The following OR2B11 variants were observed in gnomAD, a reference collection of about 807,000 sequenced individuals.
OR2B11 encodes the protein olfactory receptor 2B11.
For synonymous variants in OR2B11, 198 were observed against 174.5 expected, an observed-to-expected ratio of 1.13 and a Z score of -1.06; for missense variants, 422 against 400.0, an observed-to-expected ratio of 1.05 and a Z score of -0.47.
rs10802507 is a variant in OR2B11 at position 247,454,449 on chromosome 1, C to T, written c.-2467G>A. The T allele has an allele frequency of 0.75, 114,041 of 152,086 alleles. 43,055 individuals carry two copies. Among genetic ancestry groups the T allele is most frequent in the East Asian group, 0.94 (4,847 of 5,162 alleles). The allele number at this position is 152,086 out of a possible 1,614,324, so 9.4% of individuals were successfully genotyped here. Reference sequence around the variant, plus strand: ...CACAAACATCGCCATCGCATTCAGACGGAATCCCTCAGGCTGTATCTACAG... The same window carrying T: ...CACAAACATCGCCATCGCATTCAGATGGAATCCCTCAGGCTGTATCTACAG... On this transcript the variant is annotated 5_prime_UTR_variant, in exon 2 of 2. Coordinates refer to ENST00000641149, the MANE Select transcript of OR2B11 (RefSeq NM_001004492.2).
chr1:247,454,677 G>A lies in OR2B11; in HGVS notation c.-2695C>T, dbSNP rs12745508. ...TCCTCATTCACTCTAGTTCAGCACC[G>A]AAGTTAAAGAATTCAACACCCACAC... On this transcript the variant is annotated 5_prime_UTR_variant, in exon 2 of 2. Transcript: ENST00000641149. 0.75 allele frequency: 114,263 copies of A among 152,130 alleles called. 43,210 individuals carry two copies. Among genetic ancestry groups the A allele is most frequent in the East Asian group, 0.94 (4,859 of 5,174 alleles). 9.4% of individuals were successfully genotyped at this position (152,130 alleles called of 1,614,324 possible). A position where few individuals can be genotyped will look rare whatever the true frequency, so the allele number is the denominator to read the frequency against.
Position 247,449,236 on chromosome 1 carries a change from C to T in OR2B11, c.*1793G>A, listed in dbSNP as rs1009972390. On this transcript the variant is annotated 3_prime_UTR_variant, in exon 2 of 2. Transcript: ENST00000641149. ...ATAATTTTTAAAACGTTACCTCACT[C>T]TAACTGTAATGAGTGGAATTTCATC... 16 of 152,420 alleles carry T rather than the reference C, an allele frequency of 1.0e-4. No homozygotes were observed. The highest frequency in any genetic ancestry group is 3.8e-4 in the African/African-American group (16 of 41,564). The allele number at this position is 152,420 out of a possible 1,614,324, so 9.4% of individuals were successfully genotyped here. A position where few individuals can be genotyped will look rare whatever the true frequency, so the allele number is the denominator to read the frequency against.
intron 1 of OR2B11, among the ~76,000 whole-genome samples, chr1:247,455,952 G>C (rs1255872235): frequency 6.6e-6 from 1 of 152,170 alleles, no homozygotes. Context: ...TATTGCCACA[G>C]TGGATCTGAG....
At position 247,452,058 on chromosome 1, in the gene OR2B11, C is replaced by T. The variant is rs1173825402; in HGVS notation, c.-76G>A. ...AATACCTGAGAAGAGGAATTGATCACTTTCCTCCCTCTTGCATCCACTCTT... is the reference window on the plus strand; with the variant it reads ...AATACCTGAGAAGAGGAATTGATCATTTTCCTCCCTCTTGCATCCACTCTT... On this transcript the variant is annotated 5_prime_UTR_variant, in exon 2 of 2. It adds an upstream start codon to the 5' untranslated region. Coordinates refer to ENST00000641149, the MANE Select transcript of OR2B11 (RefSeq NM_001004492.2). The T allele has an allele frequency of 1.5e-5, 13 of 856,844 alleles. No individual in the cohort carries two copies. The highest frequency in any genetic ancestry group is 2.1e-5 in the Non-Finnish European group (11 of 526,636). 53.1% of individuals were successfully genotyped at this position (856,844 alleles called of 1,614,324 possible). A position where few individuals can be genotyped will look rare whatever the true frequency, so the allele number is the denominator to read the frequency against.
rs1180968612 is a variant in OR2B11 at position 247,452,242 on chromosome 1, G to A, written c.-260C>T. 4 of 432,546 alleles carry A rather than the reference G, an allele frequency of 9.2e-6. No individual in the cohort carries two copies. Among genetic ancestry groups the A allele is most frequent in the Non-Finnish European group, 1.7e-5 (4 of 240,292 alleles). The allele number at this position is 432,546 out of a possible 1,614,324, so 26.8% of individuals were successfully genotyped here. A position where few individuals can be genotyped will look rare whatever the true frequency, so the allele number is the denominator to read the frequency against. On this transcript the variant is annotated 5_prime_UTR_variant, in exon 2 of 2. It introduces an in-frame stop codon into an upstream open reading frame of the 5' UTR. Coordinates refer to ENST00000641149, the MANE Select transcript of OR2B11 (RefSeq NM_001004492.2). ...AACCATTTAATATTCCTGAACTTCTGCATCTGTAAAATGGGGAGAAATACC... is the reference window on the plus strand; with the variant it reads ...AACCATTTAATATTCCTGAACTTCTACATCTGTAAAATGGGGAGAAATACC...
At chr1:247,456,083 A>G (rs1246353072) in intron 1 of OR2B11, among the ~76,000 whole-genome samples, 1 of 152,236 alleles carries the variant, frequency 6.6e-6, no homozygotes, top group East Asian at 1.9e-4. Flanking sequence ...TAGGCACCGC[A>G]TATGAGCCTT....
In OR2B11 at chr1:247,449,594, A is replaced by T. The variant is rs1450532468; in HGVS notation, c.*1435T>A. 1 of 152,224 alleles carries T rather than the reference A, an allele frequency of 6.6e-6. No individual in the cohort carries two copies. Among genetic ancestry groups the T allele is most frequent in the Non-Finnish European group, 1.5e-5 (1 of 68,038 alleles). 9.4% of individuals were successfully genotyped at this position (152,224 alleles called of 1,614,324 possible). ...AGTGTAGTCTATGAACTGTCGATAT[A>T]AGGAGCTTGTATAAGAATGTAAAAC... On this transcript the variant is annotated 3_prime_UTR_variant, in exon 2 of 2. Transcript: ENST00000641149.
chr1:247,452,123 T>C lies in OR2B11; in HGVS notation c.-141A>G. 1.6e-6 allele frequency: 1 copy of C among 625,220 alleles called. No homozygotes were observed. The highest frequency in any genetic ancestry group is 2.0e-5 in the South Asian group (1 of 50,266). 38.7% of individuals were successfully genotyped at this position (625,220 alleles called of 1,614,324 possible). ...TAGCCTGTTTGATTCTCCTTACCTC[T>C]GTGGAGACGCTGGGATGCGGAAGGG... is the stretch of plus-strand genomic sequence containing the variant. On this transcript the variant is annotated 5_prime_UTR_variant, in exon 2 of 2. Coordinates refer to ENST00000641149, the MANE Select transcript of OR2B11 (RefSeq NM_001004492.2).
In OR2B11 at chr1:247,451,374, C is replaced by G. The variant is rs2103265894; in HGVS notation, c.609G>C (p.Leu203=). ...ACACGAAGAAGGCCACCAGCACAGC[C>G]AGTATGGTGTCATTCACAGCGGTGT... is the stretch of plus-strand genomic sequence containing the variant. ...CADTAVNDTI[L]AVLVAFFVLV... is the part of the protein sequence containing the mutation. Residue 203 remains leucine, a synonymous_variant, in exon 2 of 2, where the codon CTG becomes CTC. Transcript: ENST00000641149. The G allele has an allele frequency of 6.2e-7, 1 of 1,614,156 alleles. No homozygotes were observed. Among genetic ancestry groups the G allele is most frequent in the South Asian group, 1.1e-5 (1 of 91,082 alleles).
In OR2B11 at chr1:247,451,662, G is replaced by A; in HGVS notation, c.321C>T (p.Val107=). ...ACTCCGTGCATCCCAGCCAGTGGAAGACTGCATATTGCACAGTGCAGCCTC... is the reference window on the plus strand; with the variant it reads ...ACTCCGTGCATCCCAGCCAGTGGAAAACTGCATATTGCACAGTGCAGCCTC... ...SYGGCTVQYA[V]FHWLGCTECI... The change falls in exon 2 of 2, where the codon GTC becomes GTT. Residue 107 remains valine, a synonymous_variant. Transcript: ENST00000641149. 24 of 1,614,224 alleles carry A rather than the reference G, an allele frequency of 1.5e-5. No homozygotes were observed. The highest frequency in any genetic ancestry group is 2.2e-5 in the South Asian group (2 of 91,090).
In OR2B11 at chr1:247,451,768, A is replaced by G; in HGVS notation, c.215T>C (p.Phe72Ser). The G allele has an allele frequency of 1.2e-6, 2 of 1,614,214 alleles. No individual in the cohort carries two copies. Among genetic ancestry groups the G allele is most frequent in the Non-Finnish European group, 1.7e-6 (2 of 1,180,026 alleles). The change falls in exon 2 of 2, where the codon TTC (phenylalanine) becomes TCC (serine). Residue 72 changes from phenylalanine (F) to serine (S), a missense_variant. Transcript: ENST00000641149. ...PMYIFLSHLS[F>S]LDLCYTTTTV... ...CGTGGTGGTGTAGCAGAGGTCCAGG[A>G]AGGACAGGTGACTGAGGAAGATGTA...
chr1:247,456,742 T>G (rs1051069005), intron 1 of OR2B11, among the ~76,000 whole-genome samples: 103 of 152,212 alleles, frequency 6.8e-4, no homozygotes, highest in African/African-American at 2.4e-3. Flanking sequence ...GTATTTCTCA[T>G]AATGCTCTCC....
chr1:247,450,806 C>T lies in OR2B11; in HGVS notation c.*223G>A, dbSNP rs1664825813. On this transcript the variant is annotated 3_prime_UTR_variant, in exon 2 of 2. Coordinates refer to ENST00000641149, the MANE Select transcript of OR2B11 (RefSeq NM_001004492.2). ...TAATTCCACACATACTTATTGAAGT[C>T]TATTTAAACAATGCTTAAAAATATA... 2 of 372,984 alleles carry T rather than the reference C, an allele frequency of 5.4e-6. No individual in the cohort carries two copies. Among genetic ancestry groups the T allele is most frequent in the Non-Finnish European group, 9.6e-6 (2 of 209,350 alleles). 23.1% of individuals were successfully genotyped at this position (372,984 alleles called of 1,614,324 possible).
rs746153783 is a variant in OR2B11 at position 247,452,710 on chromosome 1, C to T, written c.-728G>A. 3 of 152,756 alleles carry T rather than the reference C, an allele frequency of 2.0e-5. No individual in the cohort carries two copies. Among genetic ancestry groups the T allele is most frequent in the Non-Finnish European group, 2.9e-5 (2 of 68,146 alleles). 9.5% of individuals were successfully genotyped at this position (152,756 alleles called of 1,614,324 possible). Reference sequence around the variant, plus strand: ...GGAAGAGCCAAGGTATACGTTACTTCAGCCCCTGAATAGGTCATGGTAGTT... The same window carrying T: ...GGAAGAGCCAAGGTATACGTTACTTTAGCCCCTGAATAGGTCATGGTAGTT... On this transcript the variant is annotated 5_prime_UTR_variant, in exon 2 of 2. It removes the in-frame stop codon of an upstream open reading frame in the 5' UTR. Transcript: ENST00000641149.
rs1299987635 is a variant in OR2B11 at position 247,449,219 on chromosome 1, T to A, written c.*1810A>T. The A allele has an allele frequency of 6.6e-6, 1 of 152,400 alleles. No individual in the cohort carries two copies. Among genetic ancestry groups the A allele is most frequent in the African/African-American group, 2.4e-5 (1 of 41,472 alleles). The allele number at this position is 152,400 out of a possible 1,614,324, so 9.4% of individuals were successfully genotyped here. A position where few individuals can be genotyped will look rare whatever the true frequency, so the allele number is the denominator to read the frequency against. On this transcript the variant is annotated 3_prime_UTR_variant, in exon 2 of 2. Coordinates refer to ENST00000641149, the MANE Select transcript of OR2B11 (RefSeq NM_001004492.2). ...AAATGATTCCATTGTAGATAATTTT[T>A]AAAACGTTACCTCACTCTAACTGTA...
At position 247,449,310 on chromosome 1, in the gene OR2B11, A is replaced by G. The variant is rs1240456564; in HGVS notation, c.*1719T>C. On this transcript the variant is annotated 3_prime_UTR_variant, in exon 2 of 2. Coordinates refer to ENST00000641149, the MANE Select transcript of OR2B11 (RefSeq NM_001004492.2). ...ATCGTGGAGGGAAAGGTTTGAGAGT[A>G]TCAGAGCCTGCGCTCCTAACTAGAA... 6.6e-6 allele frequency: 1 copy of G among 151,698 alleles called. No homozygotes were observed. Among genetic ancestry groups the G allele is most frequent in the Non-Finnish European group, 1.5e-5 (1 of 67,910 alleles). 9.4% of individuals were successfully genotyped at this position (151,698 alleles called of 1,614,324 possible).
intron 1 of OR2B11, among the ~76,000 whole-genome samples, chr1:247,457,404 G>T (rs919485065): frequency 6.6e-6 from 1 of 152,148 alleles, no homozygotes; most frequent in Non-Finnish European, 1.5e-5. Context: ...CAGACAGCGT[G>T]CCTACCTCCA....
chr1:247,451,245 G>C lies in OR2B11; in HGVS notation c.738C>G (p.Ser246=). 1.2e-6 allele frequency: 2 copies of C among 1,606,744 alleles called. No homozygotes were observed. The highest frequency in any genetic ancestry group is 1.7e-6 in the Non-Finnish European group (2 of 1,174,294). ...AGAGGGAGACGATCATCAGGTGGGAGGAACACGTCCCAAAGGCCTTGTGTC... is the reference window on the plus strand; with the variant it reads ...AGAGGGAGACGATCATCAGGTGGGACGAACACGTCCCAAAGGCCTTGTGTC... The part of the protein sequence containing the change: ...KGRHKAFGTC[S]SHLMIVSLFY... Residue 246 remains serine (S), a synonymous_variant, in exon 2 of 2, where the codon TCC becomes TCG. Coordinates refer to ENST00000641149, the MANE Select transcript of OR2B11 (RefSeq NM_001004492.2).
rs770682973 is a variant in OR2B11, at chr1:247,454,165, G to T, written c.-2183C>A. ...CTTACGTACACACGTGCACACACAT[G>T]CATGCACGTGCACACGCACACACAC... is the stretch of plus-strand genomic sequence containing the variant. On this transcript the variant is annotated 5_prime_UTR_variant, in exon 2 of 2. Transcript: ENST00000641149. 7.1e-6 allele frequency: 1 copy of T among 140,772 alleles called. No individual in the cohort carries two copies. The highest frequency in any genetic ancestry group is 1.5e-5 in the Non-Finnish European group (1 of 65,840). The allele number at this position is 140,772 out of a possible 1,614,324, so 8.7% of individuals were successfully genotyped here. A position where few individuals can be genotyped will look rare whatever the true frequency, so the allele number is the denominator to read the frequency against.
Sources: allele counts gnomAD v4.1 joint callset (sites outside exome capture counted in the v4.1 genomes callset), GRCh38; gene constraint gnomAD v4.1.1; transcripts MANE v1.5; gene names NCBI Gene and HGNC (gene_info 2026-07-23, HGNC 2026-07-21).